The following WDR7 variants were observed in gnomAD, a reference collection of about 807,000 sequenced individuals.
WDR7 encodes the protein WD repeat-containing protein 7.
In WDR7, 46 loss-of-function variants were observed where a neutral mutation model predicts 169.4. The ratio of observed to expected loss-of-function variants is 0.27; its 90% confidence interval spans 0.21 to 0.35. The LOEUF (loss-of-function observed/expected upper bound fraction) is 0.35. Among genes scored for constraint, WDR7 ranks in the 10% least tolerant of loss-of-function variants. WDR7 has a pLI of 1.00. For missense variants in WDR7, 1,534 were observed against 1,859.3 expected (o/e 0.83, Z 3.22); for synonymous variants, 612 against 666.8 (o/e 0.92, Z 1.27).
intron 26 of WDR7, among the ~76,000 whole-genome samples, chr18:56,963,973 T>G (rs2047370774): frequency 6.6e-6 from 1 of 151,156 alleles, no homozygotes. Context: ...TTGTCAGGCT[T>G]CTTTAAAAAT....
At chr18:56,741,213 A>G (rs2043616586) in intron 14 of WDR7, among the ~76,000 whole-genome samples, 1 of 152,174 alleles carries the variant, frequency 6.6e-6, no homozygotes, top group Admixed American at 6.5e-5. Flanking sequence ...AGTATTTGCT[A>G]TGTGGCTCTT....
chr18:56,784,226 T>C (rs2044360786), intron 19 of WDR7, among the ~76,000 whole-genome samples: 1 of 152,228 alleles, frequency 6.6e-6, no homozygotes, highest in South Asian at 2.1e-4. Context: ...CCAAAACTTA[T>C]TCTTGTAACC....
At position 56,686,051 on chromosome 18, in the gene WDR7, G is replaced by C. The variant is rs1405612795; in HGVS notation, c.597+19G>C. The C allele has an allele frequency of 6.4e-7, 1 of 1,570,510 alleles. No homozygotes were observed. Among genetic ancestry groups the C allele is most frequent in the Non-Finnish European group, 8.6e-7 (1 of 1,164,086 alleles). On this transcript the variant is annotated intron_variant, in intron 6 of 27. Coordinates refer to ENST00000254442, the MANE Select transcript of WDR7 (RefSeq NM_015285.3). ...CATGCAGGTGAGAAAAAGGAAACTG[G>C]GGTGATTTCTCTGTTTTTATTCTCT...
intron 13 of WDR7, among the ~76,000 whole-genome samples, chr18:56,721,265 TTGAAG>T (rs1277364162): frequency 6.6e-6 from 1 of 151,624 alleles, no homozygotes; most frequent in Non-Finnish European, 1.5e-5. Context: ...TGTAAAACAC[TTGAAG>T]TGTCTTTCCT....
chr18:56,690,283 AATAAT>A (rs1340486190), intron 7 of WDR7, among the ~76,000 whole-genome samples: 4 of 152,198 alleles, frequency 2.6e-5, no homozygotes, highest in Non-Finnish European at 5.9e-5. Context: ...CATATGAGAT[AATAAT>A]TGTAAAGGTA....
chr18:56,950,925 C>A (rs1385737752), intron 25 of WDR7, among the ~76,000 whole-genome samples: 5 of 152,190 alleles, frequency 3.3e-5, no homozygotes, highest in Admixed American at 6.5e-5. Flanking sequence ...TTAAATGTGT[C>A]AGGCTTGCAT....
chr18:56,898,283 G>T (rs922602483), intron 21 of WDR7, among the ~76,000 whole-genome samples: 1 of 151,906 alleles, frequency 6.6e-6, no homozygotes, highest in South Asian at 2.1e-4. Flanking sequence ...AAGGATAAGG[G>T]ACAGCTCTTA....
intron 20 of WDR7, 91 bp from the exon 21 acceptor site, chr18:56,879,853 T>G: frequency 9.8e-7 from 1 of 1,024,438 alleles, no homozygotes; most frequent in Non-Finnish European, 1.4e-6. Context: ...TGCTATTCTT[T>G]CCGAACGTGC....
chr18:56,956,608 C>T (rs531704333), intron 25 of WDR7, among the ~76,000 whole-genome samples: 1 of 152,144 alleles, frequency 6.6e-6, no homozygotes, highest in East Asian at 1.9e-4. Context: ...GTCAAAGTGA[C>T]ATGTACATTG....
chr18:56,941,837 A>G (rs1439267685), intron 25 of WDR7, among the ~76,000 whole-genome samples: 1 of 152,218 alleles, frequency 6.6e-6, no homozygotes, highest in East Asian at 1.9e-4. Context: ...GCATTTCTAA[A>G]TGGTCCCCAT....
chr18:56,656,907 A>G (rs765482013), intron 1 of WDR7, among the ~76,000 whole-genome samples: 1 of 152,158 alleles, frequency 6.6e-6, no homozygotes, highest in African/African-American at 2.4e-5. Context: ...AAAATATTGT[A>G]GTTTATAAAA....
At chr18:56,821,380 TGA>T (rs986563014) in intron 20 of WDR7, among the ~76,000 whole-genome samples, 1 of 152,156 alleles carries the variant, frequency 6.6e-6, no homozygotes, top group Non-Finnish European at 1.5e-5. Flanking sequence ...GGAAACAAGC[TGA>T]GAGAGATAAC....
chr18:56,945,490 A>T (rs977520567), intron 25 of WDR7, among the ~76,000 whole-genome samples: 1 of 152,232 alleles, frequency 6.6e-6, no homozygotes, highest in Non-Finnish European at 1.5e-5. Context: ...GTAGTTTTAG[A>T]GATTCCGTGA....
chr18:56,841,748 G>A (rs991657470), intron 20 of WDR7, among the ~76,000 whole-genome samples: 1 of 152,068 alleles, frequency 6.6e-6, no homozygotes, highest in African/African-American at 2.4e-5. Flanking sequence ...CAGCTGATTG[G>A]ATCTATTCTT....
intron 20 of WDR7, among the ~76,000 whole-genome samples, chr18:56,844,394 A>G (rs1215445072): frequency 6.6e-6 from 1 of 152,118 alleles, no homozygotes; most frequent in Non-Finnish European, 1.5e-5. Flanking sequence ...TTGGTATACA[A>G]TTTCTCAACT....
chr18:56,859,445 T>C (rs1263566187), intron 20 of WDR7, among the ~76,000 whole-genome samples: 1 of 152,190 alleles, frequency 6.6e-6, no homozygotes, highest in Admixed American at 6.5e-5. Context: ...GGTTCTTCTT[T>C]ATCCTTGAGA....
chr18:57,019,839 T>C (rs1395216534), intron 26 of WDR7, among the ~76,000 whole-genome samples: 1 of 152,170 alleles, frequency 6.6e-6, no homozygotes, highest in Non-Finnish European at 1.5e-5. Flanking sequence ...ACACATTTCC[T>C]ATTCCTTTCT....
At chr18:56,666,551 C>G (rs1415635554) in intron 1 of WDR7, among the ~76,000 whole-genome samples, 1 of 152,094 alleles carries the variant, frequency 6.6e-6, no homozygotes, top group Non-Finnish European at 1.5e-5. Context: ...CTTTCCTCTC[C>G]CAGGAGCCAC....
chr18:56,931,920 T>A (rs972284421), intron 22 of WDR7, among the ~76,000 whole-genome samples: 1 of 152,032 alleles, frequency 6.6e-6, no homozygotes, highest in Non-Finnish European at 1.5e-5. Context: ...GAGTTGAAAA[T>A]TAGGGAACTA....
Sources: gnomAD v4.1 joint callset for allele counts (sites outside exome capture counted in the v4.1 genomes callset) on GRCh38, gnomAD v4.1.1 for gene constraint, MANE v1.5 for transcripts, NCBI Gene and HGNC (gene_info 2026-07-23, HGNC 2026-07-21) for gene names.